The following ZFHX3 variants were observed in gnomAD, a reference collection of about 807,000 sequenced individuals.
The protein encoded by ZFHX3 is zinc finger homeobox 3, also known as zinc finger homeobox protein 3.
ZFHX3 carries 42 observed loss-of-function variants against 279.1 expected under a neutral mutation model. That is an observed-to-expected ratio of 0.15 (90% CI 0.12 to 0.19). The LOEUF (loss-of-function observed/expected upper bound fraction) is 0.19, where lower values mean the gene tolerates loss of function less well. Ranked by LOEUF, ZFHX3 falls within the 10% of genes least tolerant of loss-of-function variation. The pLI is 1.00. For missense variants in ZFHX3, 4,981 were observed against 4,754.0 expected (o/e 1.05, Z -1.40); for synonymous variants, 2,293 against 1,957.8 (o/e 1.17, Z -4.52).
intron 3 of ZFHX3, among the ~76,000 whole-genome samples, chr16:73,371,277 G>A (rs1163003927): frequency 6.6e-6 from 1 of 151,474 alleles, no homozygotes; most frequent in East Asian, 2.0e-4. Flanking sequence ...ACTGCACTCC[G>A]GCCTGGGCAA....
chr16:72,952,301 C>A (rs1040708331), intron 2 of ZFHX3, among the ~76,000 whole-genome samples: 2 of 152,216 alleles, frequency 1.3e-5, no homozygotes, highest in African/African-American at 2.4e-5. Context: ...CTGCTGCCCT[C>A]TGGTCAATAT....
At chr16:73,531,744 TTC>T (rs2019807931) in intron 2 of ZFHX3, among the ~76,000 whole-genome samples, 1 of 150,282 alleles carries the variant, frequency 6.7e-6, no homozygotes. Context: ...AAAAGAATAT[TTC>T]CTTTGATGGA....
chr16:72,906,903 G>A (rs1416684625), intron 3 of ZFHX3, among the ~76,000 whole-genome samples: 1 of 152,216 alleles, frequency 6.6e-6, no homozygotes, highest in African/African-American at 2.4e-5. Flanking sequence ...GAGGACTAGA[G>A]AGAGGACTGC....
chr16:73,386,791 G>A (rs997259495), intron 3 of ZFHX3: 1 of 151,942 alleles, frequency 6.6e-6, no homozygotes, highest in African/African-American at 2.4e-5. Flanking sequence ...GAGTTGCTGA[G>A]TGACAATCAG....
exon 1 of ZFHX3, chr16:73,058,696 TGGC>T (rs552488803): frequency 0.045 from 7,585 of 168,254 alleles, 291 homozygotes; most frequent in East Asian, 0.16. Flanking sequence ...GACGCGCTGC[TGGC>T]GGCGGCGGCG....
At chr16:72,879,550 C>G (rs754791823) in intron 4 of ZFHX3, among the ~76,000 whole-genome samples, 5 of 152,128 alleles carry the variant, frequency 3.3e-5, no homozygotes, top group Non-Finnish European at 7.4e-5. Flanking sequence ...CTCAGCCTCC[C>G]GAGAAGCTGG....
At chr16:73,765,890 G>C (rs1206484105) in intron 1 of ZFHX3, among the ~76,000 whole-genome samples, 2 of 152,204 alleles carry the variant, frequency 1.3e-5, no homozygotes, top group Non-Finnish European at 2.9e-5. Context: ...TGGCCAGGAG[G>C]CTTACGTGAG....
intron 3 of ZFHX3, among the ~76,000 whole-genome samples, chr16:72,923,560 G>A (rs1165283887): frequency 6.6e-6 from 1 of 151,660 alleles, no homozygotes; most frequent in African/African-American, 2.4e-5. Flanking sequence ...TGATTTCCCA[G>A]AGACCTAATT....
At chr16:73,349,737 TCCTTCCCTCCCTCC>T in intron 3 of ZFHX3, among the ~76,000 whole-genome samples, 1 of 32,798 alleles carries the variant, frequency 3.0e-5, no homozygotes, top group African/African-American at 2.6e-4. Context: ...CCCTCTCCCT[TCCTTCCCTCCCTCC>T]CTCCCTCCTT....
chr16:73,602,438 T>G (rs79640347), intron 2 of ZFHX3, among the ~76,000 whole-genome samples: 1 of 152,150 alleles, frequency 6.6e-6, no homozygotes, highest in African/African-American at 2.4e-5. Context: ...TTTGGTCTCA[T>G]GAGACGATTC....
intron 1 of ZFHX3, among the ~76,000 whole-genome samples, chr16:73,026,694 A>AAAAC (rs1433428151): frequency 7.2e-6 from 1 of 138,226 alleles, no homozygotes; most frequent in African/African-American, 2.6e-5. Context: ...AAAAAAAAAA[A>AAAAC]ACACATAGTA....
At chr16:73,310,569 G>C (rs1212463807) in intron 4 of ZFHX3, among the ~76,000 whole-genome samples, 2 of 152,078 alleles carry the variant, frequency 1.3e-5, no homozygotes, top group Non-Finnish European at 2.9e-5. Context: ...GGTGGCAGCA[G>C]TGCTGCTGAC....
At chr16:73,143,570 C>T (rs1011294006) in intron 6 of ZFHX3, among the ~76,000 whole-genome samples, 5 of 152,134 alleles carry the variant, frequency 3.3e-5, no homozygotes, top group African/African-American at 1.2e-4. Context: ...CACAGAAATG[C>T]CTGCTTATCT....
chr16:73,659,470 A>AAAAT (rs2052756860), intron 2 of ZFHX3, among the ~76,000 whole-genome samples: 1 of 7,828 alleles, frequency 1.3e-4, no homozygotes, highest in Admixed American at 1.7e-3. Flanking sequence ...CTCATGAAGA[A>AAAAT]AAACGAAGAG....
intron 5 of ZFHX3, among the ~76,000 whole-genome samples, chr16:73,179,031 CCAAAG>C (rs1192029588): frequency 1.3e-5 from 2 of 152,148 alleles, no homozygotes; most frequent in Non-Finnish European, 1.5e-5. Context: ...ACCAACATAA[CCAAAG>C]ATTTTATTAG....
chr16:73,498,600 T>C (rs1194146825), intron 2 of ZFHX3, among the ~76,000 whole-genome samples: 1 of 152,228 alleles, frequency 6.6e-6, no homozygotes, highest in South Asian at 2.1e-4. Flanking sequence ...AATTTGGCAA[T>C]CATTGTGGAC....
intron 9 of ZFHX3, chr16:72,789,319 G>A (rs376328550): frequency 1.7e-4 from 27 of 155,108 alleles, no homozygotes; most frequent in Non-Finnish European, 3.0e-4. Flanking sequence ...TGCCACACCC[G>A]CTAGTTCACA....
intron 1 of ZFHX3, among the ~76,000 whole-genome samples, chr16:73,855,216 C>CTTTTTTTT (rs1032892286): frequency 6.3e-5 from 7 of 111,494 alleles, no homozygotes; most frequent in African/African-American, 7.1e-5. Context: ...AGGCGTTAGC[C>CTTTTTTTT]TTTTTTTTTT....
chr16:73,003,512 A>ACCCCCCCCC (rs142323888), intron 1 of ZFHX3, among the ~76,000 whole-genome samples: 6 of 120,728 alleles, frequency 5.0e-5, no homozygotes, highest in African/African-American at 1.6e-4. Context: ...ACATGGTGAG[A>ACCCCCCCCC]CCCCCCCCTC....
Sources: gnomAD v4.1 joint callset for allele counts (sites outside exome capture counted in the v4.1 genomes callset) on GRCh38, gnomAD v4.1.1 for gene constraint, MANE v1.5 for transcripts, NCBI Gene and HGNC (gene_info 2026-07-23, HGNC 2026-07-21) for gene names.